INPP5A: variants seen among roughly 807,000 people sequenced by gnomAD.
INPP5A encodes inositol polyphosphate-5-phosphatase A.
In INPP5A, 14 loss-of-function variants were observed where a neutral mutation model predicts 65.2. The observed-to-expected ratio is 0.21, with a 90% CI of 0.14 to 0.34. The LOEUF is 0.34. Ranked by LOEUF, INPP5A falls within the 10% of genes least tolerant of loss-of-function variation. The pLI, the probability that INPP5A is intolerant of heterozygous loss-of-function variation, is 1.00. For synonymous variants in INPP5A, 207 were observed against 208.3 expected (o/e 0.99, Z 0.05); for missense variants, 431 against 545.6 (o/e 0.79, Z 2.09).
chr10:132,645,655 G>A (rs2072483957), intron 2 of INPP5A, among the ~76,000 whole-genome samples: 1 of 152,202 alleles, frequency 6.6e-6, no homozygotes, highest in East Asian at 1.9e-4. Flanking sequence ...TACAGTAATG[G>A]GAAAATGAAA....
In INPP5A at chr10:132,782,084, A is replaced by G. The variant is rs765471570; in HGVS notation, c.*55A>G. The G allele has an allele frequency of 6.0e-5, 92 of 1,546,128 alleles. No individual in the cohort carries two copies. The highest frequency in any genetic ancestry group is 7.4e-5 in the Non-Finnish European group (85 of 1,142,548). On this transcript the variant is annotated 3_prime_UTR_variant, in exon 16 of 16. Coordinates refer to ENST00000368594, the MANE Select transcript of INPP5A (RefSeq NM_005539.5). This position sits in a 1 kb window ranked among gnomAD's most constrained non-coding sequence, Gnocchi z 4.4. ...GAGGACACTTCGTGAGCCTCCCTGT[A>G]GCCGTGGACCGAATACGCACTCTTG...
intron 4 of INPP5A, among the ~76,000 whole-genome samples, chr10:132,682,602 G>A (rs1468474729): frequency 6.6e-6 from 1 of 152,278 alleles, no homozygotes; most frequent in African/African-American, 2.4e-5. Context: ...CATGGCAACA[G>A]GAGGGGCAAC....
At chr10:132,751,135 C>T (rs1279055857) in intron 11 of INPP5A, among the ~76,000 whole-genome samples, 1 of 152,254 alleles carries the variant, frequency 6.6e-6, no homozygotes, top group Non-Finnish European at 1.5e-5. Flanking sequence ...GGCCCCCAGA[C>T]CCCACGCTCC....
intron 12 of INPP5A, among the ~76,000 whole-genome samples, chr10:132,776,848 C>T (rs1847072783): frequency 6.6e-6 from 1 of 152,072 alleles, no homozygotes; most frequent in African/African-American, 2.4e-5. Context: ...CATGAGGCTC[C>T]AGGCTGGTGG....
intron 3 of INPP5A, among the ~76,000 whole-genome samples, chr10:132,648,899 T>G (rs1430756458): frequency 6.6e-6 from 1 of 152,358 alleles, no homozygotes; most frequent in East Asian, 1.9e-4. Context: ...TTGCAGTCTG[T>G]GGGTTTATCG....
At chr10:132,720,949 G>T (rs529613933) in intron 8 of INPP5A, among the ~76,000 whole-genome samples, 1 of 142,700 alleles carries the variant, frequency 7.0e-6, no homozygotes, top group South Asian at 2.4e-4. Flanking sequence ...CTGTCTGGGC[G>T]CCTTAGACGG....
chr10:132,591,244 A>G (rs1208855146), intron 1 of INPP5A, among the ~76,000 whole-genome samples: 2 of 152,228 alleles, frequency 1.3e-5, no homozygotes, highest in African/African-American at 4.8e-5. Flanking sequence ...TGCCATGCCA[A>G]AGTTTAAAAA....
At chr10:132,578,772 C>G (rs1170463733) in intron 1 of INPP5A, among the ~76,000 whole-genome samples, 1 of 151,340 alleles carries the variant, frequency 6.6e-6, no homozygotes, top group Non-Finnish European at 1.5e-5. Flanking sequence ...GGGGCTGGGT[C>G]TGGGCTCCAG....
Position 132,753,159 on chromosome 10 carries a change from G to A in INPP5A, c.903+3314G>A, listed in dbSNP as rs978432862. 6.6e-6 allele frequency among the ~76,000 whole-genome samples: 1 copy of A among 152,148 alleles called. No homozygotes were observed. The highest frequency in any genetic ancestry group is 2.1e-4 in the South Asian group (1 of 4,828). Reference sequence around the variant, plus strand: ...CGCCCCATGGGTTCCTGCTGACCCGGGTGCCCTCGCACTTGCCCGAGGTGC... The same window carrying A: ...CGCCCCATGGGTTCCTGCTGACCCGAGTGCCCTCGCACTTGCCCGAGGTGC... On this transcript the variant is annotated intron_variant, in intron 11 of 15. Coordinates refer to ENST00000368594, the MANE Select transcript of INPP5A (RefSeq NM_005539.5). This position sits in a 1 kb window ranked among gnomAD's most constrained non-coding sequence, Gnocchi z 5.3.
chr10:132,610,543 A>G (rs997032745), intron 2 of INPP5A, among the ~76,000 whole-genome samples: 1 of 152,230 alleles, frequency 6.6e-6, no homozygotes, highest in East Asian at 1.9e-4. Context: ...AGGGCCTGCC[A>G]GTGGACGTTG....
chr10:132,781,823 G>T (rs188762903), intron 14 of INPP5A, 38 bp from the exon 15 acceptor site: 22 of 1,554,644 alleles, frequency 1.4e-5, no homozygotes, highest in Non-Finnish European at 2.0e-5. Flanking sequence ...GCTGTCCCGC[G>T]TGCGCCGTGC....
Position 132,659,983 on chromosome 10 carries a change from GAC to G in INPP5A, c.306+9482_306+9483del, listed in dbSNP as rs1398764380. ...CCCTGTGACATGGCACATGACACGTGACACAACACATTCTCATGCTCCGCCGA... is the reference window on the plus strand; with the variant it reads ...CCCTGTGACATGGCACATGACACGTGACAACACATTCTCATGCTCCGCCGA... On this transcript the variant is annotated intron_variant, in intron 4 of 15. Transcript: ENST00000368594. This position sits in a 1 kb window ranked among gnomAD's most constrained non-coding sequence, Gnocchi z 5.5. Among the ~76,000 whole-genome samples the G allele has an allele frequency of 2.0e-5, 3 of 152,272 alleles. No individual in the cohort carries two copies. Among genetic ancestry groups the G allele is most frequent in the Admixed American group, 1.3e-4 (2 of 15,288 alleles).
At chr10:132,673,950 A>C (rs1413542847) in intron 4 of INPP5A, among the ~76,000 whole-genome samples, 1 of 152,192 alleles carries the variant, frequency 6.6e-6, no homozygotes, top group East Asian at 1.9e-4. Flanking sequence ...GGTGAGCGGA[A>C]GCTCATGTTG....
At chr10:132,617,553 G>A (rs1485687060) in intron 2 of INPP5A, among the ~76,000 whole-genome samples, 2 of 152,230 alleles carry the variant, frequency 1.3e-5, no homozygotes, top group African/African-American at 2.4e-5. Context: ...TGTGGCCAGT[G>A]CAGATCTTGA....
At chr10:132,769,361 A>G (rs1380992578) in intron 12 of INPP5A, among the ~76,000 whole-genome samples, 1 of 152,188 alleles carries the variant, frequency 6.6e-6, no homozygotes, top group Non-Finnish European at 1.5e-5. Flanking sequence ...CAGGAGAGTG[A>G]GCAGGCGGGA....
chr10:132,578,930 G>C (rs945705332), intron 1 of INPP5A, among the ~76,000 whole-genome samples: 1 of 152,202 alleles, frequency 6.6e-6, no homozygotes, highest in Non-Finnish European at 1.5e-5. Context: ...CTGTGGTGCA[G>C]GGTAGAGGTC....
intron 11 of INPP5A, among the ~76,000 whole-genome samples, chr10:132,761,578 C>T (rs774256964): frequency 1.5e-4 from 23 of 150,352 alleles, no homozygotes; most frequent in Non-Finnish European, 2.8e-4. Context: ...GGGGACAGCA[C>T]GGTGGGGCGG....
intron 2 of INPP5A, among the ~76,000 whole-genome samples, chr10:132,611,646 T>G (rs1249623650): frequency 1.0e-4 from 8 of 76,872 alleles, no homozygotes; most frequent in African/African-American, 1.6e-4. Context: ...GTGAGGGAGG[T>G]GAGGTGGGCA....
intron 2 of INPP5A, among the ~76,000 whole-genome samples, chr10:132,630,741 G>A (rs2072258122): frequency 6.7e-6 from 1 of 148,500 alleles, no homozygotes; most frequent in African/African-American, 2.6e-5. Context: ...GGTCGCACCT[G>A]CCATGACCCT....
Sources: gnomAD v4.1 joint callset for allele counts (sites outside exome capture counted in the v4.1 genomes callset) on GRCh38, gnomAD v4.1.1 for gene constraint, Gnocchi (gnomAD v3.1) non-coding constraint, MANE v1.5 for transcripts, NCBI Gene and HGNC (gene_info 2026-07-23, HGNC 2026-07-21) for gene names.